DCT: variants seen among roughly 807,000 people sequenced by gnomAD.
DCT encodes L-dopachrome tautomerase.
A neutral mutation model predicts 53.0 loss-of-function variants in DCT; 47 were observed. The observed-to-expected ratio is 0.89, with a 90% confidence interval of 0.70 to 1.13. DCT has a LOEUF of 1.13. Ranked by LOEUF, DCT falls within the 50% of genes most tolerant of loss-of-function variation. The pLI is 0.00. For missense variants in DCT, 669 were observed against 637.4 expected (o/e 1.05, Z -0.53); for synonymous variants, 244 against 237.0 (o/e 1.03, Z -0.27).
chr13:94,476,849 T>C (rs964067545), intron 1 of DCT, among the ~76,000 whole-genome samples: 6 of 152,120 alleles, frequency 3.9e-5, no homozygotes, highest in Non-Finnish European at 5.9e-5. Context: ...GTTAGTGTGG[T>C]TTTCAATCAC....
At chr13:94,521,567 G>A in the DCT span, among the ~76,000 whole-genome samples, 2 of 152,192 alleles carry the variant, frequency 1.3e-5, no homozygotes, top group South Asian at 4.1e-4. Context: ...CTACTCGAGA[G>A]GCTGAAGCAG....
chr13:94,541,821 A>G, the DCT span, among the ~76,000 whole-genome samples: 1 of 152,198 alleles, frequency 6.6e-6, no homozygotes, highest in African/African-American at 2.4e-5. Flanking sequence ...ATGTGTCCAT[A>G]AAAAATGTTT....
the DCT span, among the ~76,000 whole-genome samples, chr13:94,501,052 G>C: frequency 2.0e-5 from 3 of 151,948 alleles, no homozygotes; most frequent in Non-Finnish European, 4.4e-5. Context: ...AGATCACGAG[G>C]TCAGCAGATA....
chr13:94,464,234 T>C lies in DCT; in HGVS notation c.863+1399A>G, dbSNP rs558800619. Among the ~76,000 whole-genome samples the C allele has an allele frequency of 1.6e-4, 24 of 152,308 alleles. No homozygotes were observed. The South Asian group carries it at 4.3e-3, about 28-fold the overall frequency. ...ATGGGCCCCTCAAAACGCACACCTA[T>C]GCAGGCTCAGGGTGTTGGCAGTGAA... On this transcript the variant is annotated intron_variant, in intron 4 of 7. Coordinates refer to ENST00000377028, the MANE Select transcript of DCT (RefSeq NM_001922.5).
chr13:94,498,665 T>C, the DCT span, among the ~76,000 whole-genome samples: 3 of 152,244 alleles, frequency 2.0e-5, no homozygotes, highest in Non-Finnish European at 4.4e-5. Flanking sequence ...GCCTGAACTA[T>C]GACAGGAGCT....
At chr13:94,532,150 G>A in the DCT span, among the ~76,000 whole-genome samples, 2 of 152,178 alleles carry the variant, frequency 1.3e-5, no homozygotes, top group East Asian at 3.8e-4. Context: ...ATGCTGGAGA[G>A]GATGCGGAGA....
chr13:94,502,026 C>CTCCCTGCTGT, the DCT span, among the ~76,000 whole-genome samples: 116 of 97,672 alleles, frequency 1.2e-3, no homozygotes, highest in Middle Eastern at 5.3e-3. Flanking sequence ...TTCCATAGCC[C>CTCCCTGCTGT]CAGCCCCCAC....
At chr13:94,514,410 C>G in the DCT span, among the ~76,000 whole-genome samples, 1 of 152,210 alleles carries the variant, frequency 6.6e-6, no homozygotes, top group East Asian at 1.9e-4. Flanking sequence ...AAAGGCTATA[C>G]TGACCATTGC....
In DCT at chr13:94,478,996, G is replaced by A. The variant is rs777291106; in HGVS notation, c.260C>T (p.Pro87Leu). ...LRNQDDRELW[P>L]RKFFHRTCKC... The stretch of plus-strand genomic sequence containing the variant: ...GCAGGTCCGGTGGAAGAATTTTCTT[G>A]GCCACAGCTCACGGTCATCCTGGTT... The change falls in exon 1 of 8, where the codon CCA (proline) becomes CTA (leucine). Residue 87 changes from proline (P) to leucine (L), a missense_variant. Transcript: ENST00000377028. The A allele has an allele frequency of 1.2e-6, 2 of 1,612,852 alleles. No individual in the cohort carries two copies. The highest frequency in any genetic ancestry group is 1.7e-5 in the Admixed American group (1 of 59,990).
intron 1 of DCT, among the ~76,000 whole-genome samples, chr13:94,475,529 G>A (rs1179807834): frequency 1.3e-5 from 2 of 152,142 alleles, no homozygotes; most frequent in African/African-American, 4.8e-5. Context: ...GGGGATGGGG[G>A]AGGGGCGATA....
At chr13:94,520,041 C>G in the DCT span, among the ~76,000 whole-genome samples, 10 of 152,120 alleles carry the variant, frequency 6.6e-5, no homozygotes, top group African/African-American at 2.4e-4. Flanking sequence ...ACAAATCTTG[C>G]TATTTAACAT....
At chr13:94,511,512 A>T in the DCT span, among the ~76,000 whole-genome samples, 1 of 151,886 alleles carries the variant, frequency 6.6e-6, no homozygotes, top group Non-Finnish European at 1.5e-5. Flanking sequence ...GGTGTGTGCC[A>T]CCACACCTGG....
At chr13:94,472,031 A>T (rs1242584438) in intron 1 of DCT, among the ~76,000 whole-genome samples, 2 of 152,162 alleles carry the variant, frequency 1.3e-5, no homozygotes, top group African/African-American at 4.8e-5. Context: ...ATTAATAAAT[A>T]ACACACCTAA....
the DCT span, among the ~76,000 whole-genome samples, chr13:94,503,669 A>G: frequency 6.6e-6 from 1 of 152,164 alleles, no homozygotes; most frequent in Non-Finnish European, 1.5e-5. Flanking sequence ...CAGAAGCTGG[A>G]AGACAGGATG....
At chr13:94,471,017 G>T (rs1594315919) in intron 1 of DCT, among the ~76,000 whole-genome samples, 1 of 152,286 alleles carries the variant, frequency 6.6e-6, no homozygotes. Context: ...TGTTCTGTGG[G>T]TTTGCAGAAA....
At chr13:94,518,373 G>T in the DCT span, among the ~76,000 whole-genome samples, 1,575 of 152,312 alleles carry the variant, frequency 0.01, 28 homozygotes, top group African/African-American at 0.036. Flanking sequence ...CAACATGGAA[G>T]TCACAGAGGC....
intron 4 of DCT, among the ~76,000 whole-genome samples, chr13:94,464,508 C>T (rs532912159): frequency 1.4e-4 from 21 of 152,052 alleles, no homozygotes; most frequent in Admixed American, 3.9e-4. Flanking sequence ...GGCGTGGTTG[C>T]GCATGCCTGT....
the DCT span, among the ~76,000 whole-genome samples, chr13:94,527,078 G>T: frequency 6.6e-6 from 1 of 152,324 alleles, no homozygotes; most frequent in Middle Eastern, 3.4e-3. Flanking sequence ...AGGGGCGTCT[G>T]CCATCGCTGG....
rs1884412947 is a variant in DCT, at chr13:94,468,897, C to T, written c.444G>A (p.Ala148=). 1.9e-6 allele frequency: 3 copies of T among 1,614,138 alleles called. No homozygotes were observed. The highest frequency in any genetic ancestry group is 2.5e-6 in the Non-Finnish European group (3 of 1,180,034). ...REQFLGALDL[A]KKRVHPDYVI... Reference sequence around the variant, plus strand: ...CGTAGTCGGGGTGTACTCTCTTCTTCGCGAGATCTAAGGCGCCCAAGAACT... The same window carrying T: ...CGTAGTCGGGGTGTACTCTCTTCTTTGCGAGATCTAAGGCGCCCAAGAACT... Residue 148 remains alanine, a synonymous_variant, in exon 2 of 8, where the codon GCG becomes GCA. Coordinates refer to ENST00000377028, the MANE Select transcript of DCT (RefSeq NM_001922.5).
Sources: gnomAD v4.1 joint callset for allele counts (sites outside exome capture counted in the v4.1 genomes callset) on GRCh38, gnomAD v4.1.1 for gene constraint, MANE v1.5 for transcripts, NCBI Gene and HGNC (gene_info 2026-07-23, HGNC 2026-07-21) for gene names.